The following SGSM1 variants were observed in gnomAD, a reference collection of about 807,000 sequenced individuals.
SGSM1 encodes the protein small G protein signaling modulator 1.
Under a neutral mutation model 133.8 loss-of-function variants are expected in SGSM1, and 73 were observed. That is an observed-to-expected ratio of 0.55 (90% confidence interval 0.45 to 0.66). The LOEUF is 0.66. SGSM1 is among the 30% of genes least tolerant of loss of function. The pLI is 0.00. For missense variants in SGSM1, 1,213 were observed against 1,448.1 expected, an observed-to-expected ratio of 0.84 and a Z score of 2.64; for synonymous variants, 563 against 573.0, an observed-to-expected ratio of 0.98 and a Z score of 0.25.
chr22:24,842,489 A>G (rs1929864097), intron 2 of SGSM1, among the ~76,000 whole-genome samples: 1 of 152,188 alleles, frequency 6.6e-6, no homozygotes, highest in Admixed American at 6.5e-5. Context: ...TGATTCTTTG[A>G]GCCATTCATT....
intron 3 of SGSM1, among the ~76,000 whole-genome samples, chr22:24,847,276 A>G (rs1428977389): frequency 6.6e-6 from 1 of 152,224 alleles, no homozygotes; most frequent in Non-Finnish European, 1.5e-5. Flanking sequence ...AAACTTCTCA[A>G]TATTTCTCCT....
rs539831766 is a variant in SGSM1, at chr22:24,906,673, C to T, written c.2818+1486C>T. Among the ~76,000 whole-genome samples the T allele has an allele frequency of 2.6e-5, 4 of 152,352 alleles. No homozygotes were observed. In the East Asian group the frequency reaches 5.8e-4, roughly 22 times the overall value. On this transcript the variant is annotated intron_variant, in intron 21 of 24. Transcript: ENST00000400358. ...ACTGGCTGGGTGCAGTGACTCATGC[C>T]TGTAATCCCAGCGTTTCGGGAGGCC...
At chr22:24,852,860 T>TTTGA (rs1234880610) in intron 5 of SGSM1, among the ~76,000 whole-genome samples, 6 of 152,182 alleles carry the variant, frequency 3.9e-5, no homozygotes, top group African/African-American at 1.4e-4. Context: ...TGAAAAGTGT[T>TTTGA]TTGATGTATT....
chr22:24,904,663 A>T (rs1158383842), intron 20 of SGSM1, among the ~76,000 whole-genome samples: 2 of 152,174 alleles, frequency 1.3e-5, no homozygotes. Flanking sequence ...TAAGGGACAG[A>T]TTGCAATTCC....
At chr22:24,907,825 T>C (rs538904404) in intron 21 of SGSM1, among the ~76,000 whole-genome samples, 3 of 139,302 alleles carry the variant, frequency 2.2e-5, no homozygotes, top group African/African-American at 2.7e-5. Context: ...GGCAGGAGAA[T>C]GGCATGAACC....
intron 2 of SGSM1, among the ~76,000 whole-genome samples, chr22:24,834,864 T>G (rs1929333631): frequency 6.6e-6 from 1 of 152,042 alleles, no homozygotes; most frequent in African/African-American, 2.4e-5. Flanking sequence ...TGGATCTTCC[T>G]GGTTATGCTG....
chr22:24,870,863 A>G lies in SGSM1; in HGVS notation c.1291+2008A>G, dbSNP rs572252451. ...CACAGTCTCCCAGAGCTTCCATGGG[A>G]GATTAAGCACAGTTACCTCTATTGG... is the stretch of plus-strand genomic sequence containing the variant. On this transcript the variant is annotated intron_variant, in intron 12 of 24. Transcript: ENST00000400358. 3.9e-5 allele frequency among the ~76,000 whole-genome samples: 6 copies of G among 152,254 alleles called. No homozygotes were observed. The East Asian group carries it at 1.2e-3, about 29-fold the overall frequency.
chr22:24,917,757 A>G lies in SGSM1; in HGVS notation c.3025+3A>G. Reference sequence around the variant, plus strand: ...GTTCCTGCTGGATTTCAAGCGAGGTACAGACTTTAAATTGGGGACCTGTGT... The same window carrying G: ...GTTCCTGCTGGATTTCAAGCGAGGTGCAGACTTTAAATTGGGGACCTGTGT... On this transcript the variant is annotated splice_donor_region_variant and intron_variant, in intron 23 of 24. Transcript: ENST00000400358. The G allele has an allele frequency of 4.3e-6, 7 of 1,612,384 alleles. No homozygotes were observed. Among genetic ancestry groups the G allele is most frequent in the Non-Finnish European group, 5.9e-6 (7 of 1,178,782 alleles).
At chr22:24,874,228 G>C (rs1200881373) in intron 12 of SGSM1, among the ~76,000 whole-genome samples, 1 of 152,184 alleles carries the variant, frequency 6.6e-6, no homozygotes, top group Non-Finnish European at 1.5e-5. Flanking sequence ...CTGACACTCA[G>C]CGCATAGTTG....
chr22:24,830,087 A>G (rs189591737), intron 2 of SGSM1, among the ~76,000 whole-genome samples: 2 of 152,072 alleles, frequency 1.3e-5, no homozygotes, highest in African/African-American at 4.8e-5. Flanking sequence ...TCCTGCATGG[A>G]GACAATGCCC....
chr22:24,831,169 A>T (rs922863273), intron 2 of SGSM1, among the ~76,000 whole-genome samples: 2 of 151,696 alleles, frequency 1.3e-5, no homozygotes, highest in Non-Finnish European at 2.9e-5. Flanking sequence ...TGCTCTTAGG[A>T]TCAACACCAG....
intron 8 of SGSM1, among the ~76,000 whole-genome samples, chr22:24,858,635 C>CAAAAAAAAAAAAAAAAAAAAAAAAAAA (rs139699): frequency 1.2e-5 from 1 of 82,972 alleles, no homozygotes; most frequent in African/African-American, 3.6e-5. Flanking sequence ...GACTCCATCT[C>CAAAAAAAAAAAAAAAAAAAAAAAAAAA]AAAAAAAAAA....
At chr22:24,859,882 C>T (rs368457243) in intron 9 of SGSM1, 42 bp downstream of exon 9, 7 of 1,609,704 alleles carry the variant, frequency 4.3e-6, no homozygotes, top group Non-Finnish European at 5.9e-6. Context: ...GGTCCCTCCA[C>T]TCGCCTTGGC....
At chr22:24,877,637 C>G (rs1569159449) in intron 13 of SGSM1, among the ~76,000 whole-genome samples, 1 of 151,950 alleles carries the variant, frequency 6.6e-6, no homozygotes, top group Non-Finnish European at 1.5e-5. Context: ...ATCCAATCCC[C>G]TGGTTCCTCA....
chr22:24,829,184 A>G (rs946463885), intron 2 of SGSM1, among the ~76,000 whole-genome samples: 3 of 148,420 alleles, frequency 2.0e-5, no homozygotes, highest in Admixed American at 2.0e-4. Context: ...CGAGAGAGTG[A>G]GGCTCCATCT....
intron 3 of SGSM1, among the ~76,000 whole-genome samples, chr22:24,845,954 TTTC>T (rs1170499654): frequency 0.011 from 956 of 89,850 alleles, 16 homozygotes; most frequent in South Asian, 0.019. Flanking sequence ...TCTTTCTTTC[TTTC>T]TTTCTTTCTT....
chr22:24,861,082 C>T (rs1477836332), intron 9 of SGSM1, among the ~76,000 whole-genome samples: 1 of 149,020 alleles, frequency 6.7e-6, no homozygotes, highest in Non-Finnish European at 1.5e-5. Context: ...AGGCTGGGCG[C>T]GGTGGCTCAT....
At chr22:24,902,617 T>C (rs553756291) in intron 20 of SGSM1, among the ~76,000 whole-genome samples, 1 of 152,248 alleles carries the variant, frequency 6.6e-6, no homozygotes, top group South Asian at 2.1e-4. Context: ...GCCTAGAGGT[T>C]AGAGGGTTGT....
intron 2 of SGSM1, chr22:24,843,559 T>C (rs1929924944): frequency 6.6e-6 from 1 of 152,214 alleles, no homozygotes; most frequent in African/African-American, 2.4e-5. Flanking sequence ...CAGGGTGACA[T>C]AGAGCTGGAA....
Sources: allele counts gnomAD v4.1 joint callset (sites outside exome capture counted in the v4.1 genomes callset), GRCh38; gene constraint gnomAD v4.1.1; transcripts MANE v1.5; gene names NCBI Gene and HGNC (gene_info 2026-07-23, HGNC 2026-07-21).